PTPN4: variants seen among roughly 807,000 people sequenced by gnomAD.
The protein encoded by PTPN4 is protein tyrosine phosphatase non-receptor type 4.
A neutral mutation model predicts 135.5 loss-of-function variants in PTPN4; 49 were observed. The observed-to-expected ratio is 0.36, with a 90% CI of 0.29 to 0.46. PTPN4 has a LOEUF of 0.46. Among genes scored for constraint, PTPN4 ranks in the 20% least tolerant of loss-of-function variants. PTPN4 has a pLI of 1.00. For synonymous variants in PTPN4, 333 were observed against 369.9 expected (o/e 0.90, Z 1.14); for missense variants, 860 against 1,101.0 (o/e 0.78, Z 3.10).
At chr2:119,834,513 TG>T (rs1379427339) in intron 2 of PTPN4, among the ~76,000 whole-genome samples, 2 of 152,000 alleles carry the variant, frequency 1.3e-5, no homozygotes, top group Non-Finnish European at 2.9e-5. Context: ...GCCATATTGC[TG>T]GAAAAGGAAG....
intron 1 of PTPN4, among the ~76,000 whole-genome samples, chr2:119,779,910 AATTTTTTGT>A (rs779690030): frequency 6.6e-6 from 1 of 151,822 alleles, no homozygotes; most frequent in Non-Finnish European, 1.5e-5. Context: ...ACTCCTAGCT[AATTTTTTGT>A]ATTTTTTGTA....
intron 18 of PTPN4, among the ~76,000 whole-genome samples, chr2:119,950,925 A>G (rs1367069488): frequency 6.6e-6 from 1 of 152,242 alleles, no homozygotes; most frequent in Non-Finnish European, 1.5e-5. Context: ...TTGTCAAAAC[A>G]TTAAGAATTT....
intron 18 of PTPN4, among the ~76,000 whole-genome samples, chr2:119,950,952 TAAAGGTA>T (rs1679203698): frequency 6.6e-6 from 1 of 152,296 alleles, no homozygotes; most frequent in South Asian, 2.1e-4. Flanking sequence ...CTGTCTCTTA[TAAAGGTA>T]AAAGGAAATG....
At chr2:119,793,640 A>T (rs1264735265) in intron 1 of PTPN4, among the ~76,000 whole-genome samples, 1 of 152,150 alleles carries the variant, frequency 6.6e-6, no homozygotes, top group Non-Finnish European at 1.5e-5. Context: ...ATTGTATTAA[A>T]GTCGGGCGTA....
intron 26 of PTPN4, among the ~76,000 whole-genome samples, chr2:119,968,728 C>T (rs931821286): frequency 1.3e-5 from 2 of 152,156 alleles, no homozygotes; most frequent in African/African-American, 4.8e-5. Flanking sequence ...GGAGGCGGAG[C>T]TTGCAGTGAG....
chr2:119,830,602 G>C (rs1677205339), intron 2 of PTPN4, among the ~76,000 whole-genome samples: 1 of 152,128 alleles, frequency 6.6e-6, no homozygotes, highest in Non-Finnish European at 1.5e-5. Context: ...CAGAGTAGCT[G>C]AGATTATAGG....
At chr2:119,766,484 C>G (rs184827391) in intron 1 of PTPN4, among the ~76,000 whole-genome samples, 4,378 of 103,524 alleles carry the variant, frequency 0.042, 87 homozygotes, top group Non-Finnish European at 0.056. Flanking sequence ...GTGTGTGTGT[C>G]TGTGTGTGTG....
In PTPN4 at chr2:119,946,502, T is replaced by G. The variant is rs1679134946; in HGVS notation, c.1600-16T>G. On this transcript the variant is annotated splice_polypyrimidine_tract_variant and intron_variant, in intron 17 of 26. Transcript: ENST00000263708. ...TGGTAATATTTGACTAACATTTTAC[T>G]TATTCTCTTTTTAAGGGAGGATATG... The G allele has an allele frequency of 6.2e-7, 1 of 1,603,024 alleles. No homozygotes were observed. The highest frequency in any genetic ancestry group is 1.1e-5 in the South Asian group (1 of 89,070).
chr2:119,902,811 C>T (rs2105016167), intron 10 of PTPN4, among the ~76,000 whole-genome samples: 1 of 152,294 alleles, frequency 6.6e-6, no homozygotes, highest in Admixed American at 6.5e-5. Context: ...AGGCCCTTGA[C>T]CCTCATGGGC....
intron 1 of PTPN4, among the ~76,000 whole-genome samples, chr2:119,804,850 A>C (rs972179890): frequency 2.0e-5 from 3 of 152,198 alleles, no homozygotes; most frequent in African/African-American, 7.2e-5. Context: ...TTGAGGAATC[A>C]TCATACTGTC....
intron 14 of PTPN4, among the ~76,000 whole-genome samples, chr2:119,933,833 G>C (rs2105038818): frequency 6.6e-6 from 1 of 152,212 alleles, no homozygotes; most frequent in South Asian, 2.1e-4. Context: ...AGTAATTTCT[G>C]TCTTGCCAAT....
chr2:119,809,341 T>C (rs1458696844), intron 1 of PTPN4, among the ~76,000 whole-genome samples: 1 of 151,998 alleles, frequency 6.6e-6, no homozygotes, highest in African/African-American at 2.4e-5. Context: ...GGTTGAATTT[T>C]GAGGATGGTT....
At chr2:119,798,068 A>G (rs1350475353) in intron 1 of PTPN4, among the ~76,000 whole-genome samples, 1 of 152,080 alleles carries the variant, frequency 6.6e-6, no homozygotes, top group East Asian at 1.9e-4. Context: ...AGGAATAAAC[A>G]TTTTTATAGA....
chr2:119,811,526 A>T (rs114657400), intron 2 of PTPN4, among the ~76,000 whole-genome samples: 2 of 152,320 alleles, frequency 1.3e-5, no homozygotes, highest in African/African-American at 4.8e-5. Context: ...GAGATAACAT[A>T]AAGTGAAGAG....
intron 10 of PTPN4, among the ~76,000 whole-genome samples, chr2:119,911,170 C>T (rs1342078074): frequency 7.0e-6 from 1 of 143,770 alleles, no homozygotes; most frequent in Non-Finnish European, 1.5e-5. Context: ...GTGATTATTA[C>T]CTTGATGTTA....
chr2:119,885,998 A>G, intron 9 of PTPN4, 116 bp downstream of exon 9: 1 of 664,726 alleles, frequency 1.5e-6, no homozygotes, highest in Non-Finnish European at 2.4e-6. Flanking sequence ...ACACAGCTGC[A>G]CTGAAAATTT....
intron 1 of PTPN4, among the ~76,000 whole-genome samples, chr2:119,800,507 C>T (rs1691342969): frequency 7.1e-6 from 1 of 140,090 alleles, no homozygotes; most frequent in Non-Finnish European, 1.5e-5. Flanking sequence ...AGTCTATTGT[C>T]AGATAAATGT....
At chr2:119,893,056 AT>A (rs1338786964) in intron 9 of PTPN4, among the ~76,000 whole-genome samples, 1 of 152,128 alleles carries the variant, frequency 6.6e-6, no homozygotes. Flanking sequence ...TTGGCTTTTA[AT>A]TATAATCAAA....
At chr2:119,918,557 C>A (rs1176503983) in intron 11 of PTPN4, among the ~76,000 whole-genome samples, 1 of 152,066 alleles carries the variant, frequency 6.6e-6, no homozygotes, top group Admixed American at 6.5e-5. Flanking sequence ...CAGATTATAA[C>A]CAAAATGTGC....
Sources: allele counts gnomAD v4.1 joint callset (sites outside exome capture counted in the v4.1 genomes callset), GRCh38; gene constraint gnomAD v4.1.1; transcripts MANE v1.5; gene names NCBI Gene and HGNC (gene_info 2026-07-23, HGNC 2026-07-21).